The following POLA1 variants were observed in gnomAD, a reference collection of about 807,000 sequenced individuals.
The protein encoded by POLA1 is DNA polymerase alpha 1, catalytic subunit, also known as DNA polymerase alpha catalytic subunit.
In POLA1, 15 loss-of-function variants were observed where a neutral mutation model predicts 124.0. The observed-to-expected ratio is 0.12, with a 90% CI of 0.08 to 0.19. The LOEUF (loss-of-function observed/expected upper bound fraction) is 0.19, where lower values mean the gene tolerates loss of function less well. POLA1 is among the 10% of genes least tolerant of loss of function. The probability of loss-of-function intolerance (pLI) is 1.00; values close to 1 mark genes in which losing one functional copy is unlikely to be tolerated. For synonymous variants in POLA1, 408 were observed against 389.4 expected (o/e 1.05, Z -0.56); for missense variants, 886 against 1,103.4 (o/e 0.80, Z 2.79).
At chrX:24,968,780 C>T (rs1247126658) in intron 36 of POLA1, among the ~76,000 whole-genome samples, 1 of 110,551 alleles carries the variant, frequency 9.0e-6, no homozygotes, top group African/African-American at 3.3e-5. Flanking sequence ...CCTCTCCAAG[C>T]GTCTAGCACA....
At chrX:24,945,145 A>G (rs1172443042) in intron 36 of POLA1, among the ~76,000 whole-genome samples, 2 of 112,811 alleles carry the variant, frequency 1.8e-5, no homozygotes, top group East Asian at 5.5e-4. Context: ...TGACATGGAA[A>G]TAGGCTAATA....
intron 15 of POLA1, among the ~76,000 whole-genome samples, chrX:24,731,093 C>G (rs1930876637): frequency 8.9e-6 from 1 of 112,042 alleles, no homozygotes. Context: ...ACATTATGTG[C>G]CTGTGCCTTT....
At chrX:24,891,692 C>T (rs1372138191) in intron 35 of POLA1, among the ~76,000 whole-genome samples, 1 of 111,882 alleles carries the variant, frequency 8.9e-6, no homozygotes, top group African/African-American at 3.2e-5. Context: ...ATTTATTAAA[C>T]AACTGCAACT....
At chrX:24,755,504 G>T (rs1167870779) in intron 26 of POLA1, among the ~76,000 whole-genome samples, 1 of 111,211 alleles carries the variant, frequency 9.0e-6, no homozygotes, top group African/African-American at 3.3e-5. Context: ...CCATTTTCTT[G>T]TCTGAATAGA....
intron 32 of POLA1, among the ~76,000 whole-genome samples, chrX:24,830,152 ACT>A (rs759989464): frequency 2.7e-3 from 306 of 111,345 alleles, no homozygotes; most frequent in African/African-American, 9.5e-3. Flanking sequence ...TATTTTTAAG[ACT>A]CTTTTGTGGA....
intron 10 of POLA1, among the ~76,000 whole-genome samples, chrX:24,722,129 G>T (rs1930240230): frequency 8.9e-6 from 1 of 111,777 alleles, no homozygotes; most frequent in Non-Finnish European, 1.9e-5. Flanking sequence ...CTTTCAAACT[G>T]GGGTAATTGA....
intron 35 of POLA1, among the ~76,000 whole-genome samples, chrX:24,899,083 T>C (rs1192926667): frequency 1.8e-5 from 2 of 111,883 alleles, no homozygotes; most frequent in Non-Finnish European, 3.8e-5. Context: ...ATTGCTCTTA[T>C]TGTTGGACTG....
intron 26 of POLA1, among the ~76,000 whole-genome samples, chrX:24,784,766 G>C (rs780989722): frequency 8.8e-4 from 99 of 112,171 alleles, no homozygotes; most frequent in African/African-American, 3.0e-3. Context: ...CAGGTAAGCA[G>C]CAATGGGAAT....
chrX:24,808,483 A>C (rs1321372167), intron 26 of POLA1, among the ~76,000 whole-genome samples: 1 of 104,989 alleles, frequency 9.5e-6, no homozygotes, highest in Non-Finnish European at 1.9e-5. Context: ...ATGTAAGAAA[A>C]TGTAAGAAAA....
intron 26 of POLA1, among the ~76,000 whole-genome samples, chrX:24,784,102 A>G (rs1458606857): frequency 4.6e-5 from 4 of 86,607 alleles, no homozygotes; most frequent in East Asian, 3.5e-4. Context: ...TCACTGTGTC[A>G]CCTAAGCTGG....
intron 34 of POLA1, among the ~76,000 whole-genome samples, chrX:24,863,966 T>TTATG (rs1425320361): frequency 1.1e-5 from 1 of 95,117 alleles, no homozygotes; most frequent in Non-Finnish European, 2.0e-5. Context: ...AACTATTTAT[T>TTATG]TATTTATTTA....
chrX:24,711,779 G>A (rs1234877131), intron 4 of POLA1, among the ~76,000 whole-genome samples: 1 of 111,610 alleles, frequency 9.0e-6, no homozygotes, highest in Admixed American at 9.4e-5. Flanking sequence ...TGTATTTTTA[G>A]TAGAGACGGG....
At chrX:24,979,099 CAATA>C (rs1159563344) in intron 36 of POLA1, among the ~76,000 whole-genome samples, 2 of 111,831 alleles carry the variant, frequency 1.8e-5, no homozygotes, top group Non-Finnish European at 3.8e-5. Context: ...GGTTAATAAT[CAATA>C]AATAGCAGCT....
At chrX:24,911,094 G>A (rs1189146200) in intron 35 of POLA1, among the ~76,000 whole-genome samples, 1 of 112,134 alleles carries the variant, frequency 8.9e-6, no homozygotes, top group Admixed American at 9.5e-5. Context: ...AAATCTTCAA[G>A]TACTTGGAAA....
intron 34 of POLA1, 127 bp downstream of exon 34, chrX:24,843,804 A>G: frequency 5.7e-6 from 2 of 348,272 alleles, no homozygotes; most frequent in Non-Finnish European, 9.7e-6. Context: ...TACTATTAAT[A>G]CAAATATGAT....
intron 36 of POLA1, among the ~76,000 whole-genome samples, chrX:24,955,316 G>C (rs5944704): frequency 9.4e-6 from 1 of 106,046 alleles, no homozygotes; most frequent in East Asian, 3.0e-4. Context: ...GGTGTGTACT[G>C]CCACCCGCCC....
At chrX:24,863,441 T>C (rs1173678027) in intron 34 of POLA1, among the ~76,000 whole-genome samples, 2 of 111,906 alleles carry the variant, frequency 1.8e-5, no homozygotes, top group East Asian at 5.6e-4. Flanking sequence ...ATAATATCAA[T>C]GAGTAGTTTC....
chrX:24,794,300 G>A (rs1017841579), intron 26 of POLA1, among the ~76,000 whole-genome samples: 2 of 112,010 alleles, frequency 1.8e-5, no homozygotes, highest in South Asian at 7.5e-4. Flanking sequence ...ATTCTTCTTA[G>A]CATCTCCACT....
intron 30 of POLA1, among the ~76,000 whole-genome samples, chrX:24,815,655 A>G (rs1479976428): frequency 4.5e-5 from 5 of 112,224 alleles, no homozygotes; most frequent in Admixed American, 9.4e-5. Context: ...GTATTGTGTA[A>G]TAAACAAAAT....
Sources: gnomAD v4.1 joint callset for allele counts (sites outside exome capture counted in the v4.1 genomes callset) on GRCh38, gnomAD v4.1.1 for gene constraint, MANE v1.5 for transcripts, NCBI Gene and HGNC (gene_info 2026-07-23, HGNC 2026-07-21) for gene names.